UTRN: variants seen among roughly 807,000 people sequenced by gnomAD.
UTRN encodes the protein dystrophin-related protein 1.
UTRN carries 283 observed loss-of-function variants against 463.9 expected under a neutral mutation model. The ratio of observed to expected loss-of-function variants is 0.61; its 90% CI spans 0.55 to 0.67. UTRN has a LOEUF of 0.67. Ranked by LOEUF, UTRN falls within the 30% of genes least tolerant of loss-of-function variation. UTRN has a pLI of 0.00. For synonymous variants in UTRN, 1,442 were observed against 1,431.5 expected, an observed-to-expected ratio of 1.01 and a Z score of -0.17; for missense variants, 3,922 against 4,084.3, an observed-to-expected ratio of 0.96 and a Z score of 1.08.
chr6:144,543,520 C>A (rs534212911), intron 46 of UTRN, among the ~76,000 whole-genome samples: 1 of 152,152 alleles, frequency 6.6e-6, no homozygotes, highest in African/African-American at 2.4e-5. Flanking sequence ...CTGGCAAAAC[C>A]GCAAATGTGA....
intron 58 of UTRN, among the ~76,000 whole-genome samples, chr6:144,764,198 C>T (rs951273784): frequency 6.6e-6 from 1 of 152,126 alleles, no homozygotes; most frequent in African/African-American, 2.4e-5. Flanking sequence ...AACCCCTGGG[C>T]TTGGAGGGGC....
At chr6:144,537,203 T>C (rs545084631) in intron 43 of UTRN, among the ~76,000 whole-genome samples, 48 of 152,220 alleles carry the variant, frequency 3.2e-4, no homozygotes, top group African/African-American at 1.2e-3. Context: ...TCAAAGAGAA[T>C]TATGCTTTTT....
At chr6:144,447,916 A>G in intron 16 of UTRN, 135 bp downstream of exon 16, 2 of 754,184 alleles carry the variant, frequency 2.7e-6, no homozygotes, top group Non-Finnish European at 3.9e-6. Context: ...GACATGTGAA[A>G]ATCACCTTCA....
intron 9 of UTRN, among the ~76,000 whole-genome samples, chr6:144,430,093 GT>G (rs370778331): frequency 1.3e-5 from 2 of 151,802 alleles, no homozygotes. Flanking sequence ...TATCAGCCTA[GT>G]TTTTTTTCTA....
chr6:144,641,230 A>G (rs1777727430), intron 51 of UTRN, among the ~76,000 whole-genome samples: 2 of 152,092 alleles, frequency 1.3e-5, no homozygotes, highest in Admixed American at 6.6e-5. Context: ...TACATTTAAG[A>G]TTTACATTGG....
At chr6:144,514,109 G>C (rs1585079112) in intron 36 of UTRN, 72 bp downstream of exon 36, 1 of 1,579,600 alleles carries the variant, frequency 6.3e-7, no homozygotes, top group Non-Finnish European at 8.6e-7. Context: ...CTTCTGGAAT[G>C]CTCTAAGTTA....
chr6:144,480,862 T>C (rs987059393), intron 26 of UTRN, among the ~76,000 whole-genome samples: 2 of 152,192 alleles, frequency 1.3e-5, no homozygotes, highest in Admixed American at 6.5e-5. Flanking sequence ...TTATATGACA[T>C]TCATACATTA....
chr6:144,325,279 C>G (rs191590393), intron 2 of UTRN, among the ~76,000 whole-genome samples: 6 of 152,168 alleles, frequency 3.9e-5, no homozygotes, highest in Admixed American at 2.0e-4. Flanking sequence ...GCTCTGCTCT[C>G]TTTCTTGAAT....
Position 144,612,650 on chromosome 6 carries a change from G to A in UTRN, c.7479+35362G>A, listed in dbSNP as rs181988206. 8.5e-5 allele frequency among the ~76,000 whole-genome samples: 13 copies of A among 152,162 alleles called. No homozygotes were observed. The East Asian group carries it at 2.5e-3, about 29-fold the overall frequency. On this transcript the variant is annotated intron_variant, in intron 51 of 74. Coordinates refer to ENST00000367545, the MANE Select transcript of UTRN (RefSeq NM_007124.3). ...GAAATGCAAAGCAAAACCACAATGAGATATTACCTCACCCCAGTTAGAATG... is the reference window on the plus strand; with the variant it reads ...GAAATGCAAAGCAAAACCACAATGAAATATTACCTCACCCCAGTTAGAATG...
At chr6:144,289,795 C>T (rs1054128909) in intron 1 of UTRN, among the ~76,000 whole-genome samples, 1 of 152,056 alleles carries the variant, frequency 6.6e-6, no homozygotes, top group Admixed American at 6.6e-5. Flanking sequence ...ATTACAGGCA[C>T]CTGCCACCAC....
chr6:144,732,255 TATACACACATATATATATATATAC>T (rs1358298914), intron 54 of UTRN, among the ~76,000 whole-genome samples: 3 of 100,032 alleles, frequency 3.0e-5, no homozygotes, highest in African/African-American at 9.7e-5. Context: ...TATATATATA[TATACACACATATATATATATATAC>T]ACACATATAT....
chr6:144,347,115 C>G (rs1777653877), intron 2 of UTRN, among the ~76,000 whole-genome samples: 1 of 152,242 alleles, frequency 6.6e-6, no homozygotes. Context: ...GAAACCACTC[C>G]TGGGAGCCCT....
At chr6:144,625,532 G>A (rs538245039) in intron 51 of UTRN, among the ~76,000 whole-genome samples, 2 of 152,144 alleles carry the variant, frequency 1.3e-5, no homozygotes, top group African/African-American at 2.4e-5. Flanking sequence ...AAGAATACTG[G>A]TCTAAAATCA....
At chr6:144,343,162 A>G (rs1412000936) in intron 2 of UTRN, among the ~76,000 whole-genome samples, 1 of 152,196 alleles carries the variant, frequency 6.6e-6, no homozygotes, top group Non-Finnish European at 1.5e-5. Context: ...TACATATTCT[A>G]TGAAAAGTCT....
At chr6:144,546,952 C>A (rs1316430351) in intron 46 of UTRN, among the ~76,000 whole-genome samples, 1 of 152,232 alleles carries the variant, frequency 6.6e-6, no homozygotes, top group Non-Finnish European at 1.5e-5. Context: ...CTTATTTCTG[C>A]TTCTGCATTT....
intron 3 of UTRN, among the ~76,000 whole-genome samples, chr6:144,411,147 C>G (rs1783862594): frequency 1.3e-5 from 2 of 152,322 alleles, no homozygotes; most frequent in East Asian, 1.9e-4. Context: ...AATCTCCACA[C>G]TGTATTCCAT....
At chr6:144,596,618 A>C (rs1803670512) in intron 51 of UTRN, among the ~76,000 whole-genome samples, 1 of 152,190 alleles carries the variant, frequency 6.6e-6, no homozygotes, top group South Asian at 2.1e-4. Context: ...AGTTGGAGTA[A>C]ATGATTTACT....
At chr6:144,606,875 T>C (rs1036820369) in intron 51 of UTRN, among the ~76,000 whole-genome samples, 4 of 152,154 alleles carry the variant, frequency 2.6e-5, no homozygotes, top group Non-Finnish European at 4.4e-5. Context: ...TGACCTGCAA[T>C]TCCTCGCTCA....
At chr6:144,363,208 T>A (rs1300033407) in intron 2 of UTRN, among the ~76,000 whole-genome samples, 1 of 152,244 alleles carries the variant, frequency 6.6e-6, no homozygotes, top group Non-Finnish European at 1.5e-5. Context: ...TATTTGCTTC[T>A]TTTCTATGTG....
Sources: allele counts gnomAD v4.1 joint callset (sites outside exome capture counted in the v4.1 genomes callset), GRCh38; gene constraint gnomAD v4.1.1; transcripts MANE v1.5; gene names NCBI Gene and HGNC (gene_info 2026-07-23, HGNC 2026-07-21).